CUX1: variants seen among roughly 807,000 people sequenced by gnomAD.
CUX1 encodes the protein cut like homeobox 1.
Under a neutral mutation model 158.8 loss-of-function variants are expected in CUX1, and 31 were observed. That is an observed-to-expected ratio of 0.20 (90% CI 0.15 to 0.26). The LOEUF is 0.26. Ranked by LOEUF, CUX1 falls within the 10% of genes least tolerant of loss-of-function variation. The pLI, the probability that CUX1 is intolerant of heterozygous loss-of-function variation, is 1.00. For missense variants in CUX1, 1,589 were observed against 2,014.6 expected, an observed-to-expected ratio of 0.79 and a Z score of 4.04; for synonymous variants, 879 against 862.1, an observed-to-expected ratio of 1.02 and a Z score of -0.34.
At chr7:102,211,518 C>T (rs146038958) in intron 20 of CUX1, among the ~76,000 whole-genome samples, 84 of 152,074 alleles carry the variant, frequency 5.5e-4, no homozygotes, top group African/African-American at 1.9e-3. Context: ...CAGTGGCTCA[C>T]ACCTGTAATC....
intron 5 of CUX1, among the ~76,000 whole-genome samples, chr7:102,097,782 G>T (rs1259664016): frequency 1.3e-5 from 2 of 152,222 alleles, no homozygotes; most frequent in Non-Finnish European, 2.9e-5. Context: ...ATCATTACGT[G>T]ATTGGGTCTG....
chr7:101,858,967 C>T lies in CUX1; in HGVS notation c.30+41298C>T, dbSNP rs549820779. On this transcript the variant is annotated intron_variant, in intron 1 of 23. Coordinates refer to ENST00000292535, the MANE Select transcript of CUX1 (RefSeq NM_181552.4). ...ATCACAAGAAAGTCTTCCCTTCATG[C>T]GTTGTGAAAACCAGCAGTATTTTAA... Among the ~76,000 whole-genome samples the T allele has an allele frequency of 9.2e-5, 14 of 152,258 alleles. 1 individual carries two copies. The South Asian group carries it at 1.5e-3, about 16-fold the overall frequency.
At chr7:102,268,883 G>A (rs114693297) in intron 14 of CUX1, among the ~76,000 whole-genome samples, 4 of 151,052 alleles carry the variant, frequency 2.6e-5, no homozygotes, top group South Asian at 4.2e-4. Context: ...CAAGGGACCC[G>A]CCCTGTCCCC....
In CUX1 at chr7:101,831,262, G is replaced by A. The variant is rs1220864108; in HGVS notation, c.30+13593G>A. Among the ~76,000 whole-genome samples, 3 of 152,020 alleles carry A rather than the reference G, an allele frequency of 2.0e-5. No individual in the cohort carries two copies. The East Asian group carries it at 5.8e-4, about 29-fold the overall frequency. ...AGCATAGGGATTGAGTGACCAGACA[G>A]TAGGGAATCCTTGCCCTTAAGGAAC... On this transcript the variant is annotated intron_variant, in intron 1 of 23. Transcript: ENST00000292535.
At chr7:102,082,302 G>A (rs961346812) in intron 4 of CUX1, among the ~76,000 whole-genome samples, 10 of 146,768 alleles carry the variant, frequency 6.8e-5, no homozygotes, top group African/African-American at 2.4e-4. Context: ...GAGGGCAGGC[G>A]GATCACCTGA....
At chr7:102,193,709 G>A in intron 12 of CUX1, 133 bp from the exon 13 acceptor site, 1 of 814,704 alleles carries the variant, frequency 1.2e-6, no homozygotes, top group African/African-American at 1.7e-5. Context: ...GGAGGCTGAG[G>A]TAGGAGAATC....
In CUX1 at chr7:101,881,638, C is replaced by T. The variant is rs80309857; in HGVS notation, c.31-34477C>T. 2.3e-3 allele frequency among the ~76,000 whole-genome samples: 347 copies of T among 152,288 alleles called. 2 individuals are homozygous for T. The highest frequency in any genetic ancestry group is 7.9e-3 in the African/African-American group (328 of 41,556). On this transcript the variant is annotated intron_variant, in intron 1 of 23. Transcript: ENST00000292535. Reference sequence around the variant, plus strand: ...TGGTATTTGGGAATTGATTTTCTGACGCCACCGATTTGTCAAGAACTTATC... The same window carrying T: ...TGGTATTTGGGAATTGATTTTCTGATGCCACCGATTTGTCAAGAACTTATC...
At chr7:102,061,386 CTAGGAGGGGCCAGGAGCCAGGGTCCA>C (rs1824859495) in intron 3 of CUX1, among the ~76,000 whole-genome samples, 1 of 152,122 alleles carries the variant, frequency 6.6e-6, no homozygotes, top group Admixed American at 6.5e-5. Flanking sequence ...TATCATATCC[CTAGGAGGGGCCAGGAGCCAGGGTCCA>C]AGTAACTTGG....
At chr7:102,183,283 G>A (rs1241525807) in intron 11 of CUX1, among the ~76,000 whole-genome samples, 1 of 151,976 alleles carries the variant, frequency 6.6e-6, no homozygotes, top group Non-Finnish European at 1.5e-5. Context: ...CAGAGTGCTG[G>A]GATTACAGGC....
At chr7:102,139,627 C>A (rs1356454446) in intron 8 of CUX1, among the ~76,000 whole-genome samples, 1 of 152,256 alleles carries the variant, frequency 6.6e-6, no homozygotes, top group East Asian at 1.9e-4. Context: ...GAACTCATCT[C>A]TACTAAAAAT....
intron 19 of CUX1, among the ~76,000 whole-genome samples, chr7:102,280,509 A>C (rs1216910386): frequency 4.7e-5 from 7 of 148,094 alleles, no homozygotes; most frequent in African/African-American, 1.0e-4. Context: ...CCACCCCACA[A>C]CTCCCCTCCC....
intron 9 of CUX1, among the ~76,000 whole-genome samples, chr7:102,162,573 G>A (rs1554507510): frequency 6.6e-6 from 1 of 151,530 alleles, no homozygotes; most frequent in East Asian, 1.9e-4. Flanking sequence ...CACCACGCAT[G>A]GCTAATTTTC....
intron 7 of CUX1, among the ~76,000 whole-genome samples, chr7:102,113,146 G>A (rs563737404): frequency 6.6e-6 from 1 of 152,252 alleles, no homozygotes; most frequent in East Asian, 1.9e-4. Flanking sequence ...CTACACATAT[G>A]AAAAAATGCA....
At chr7:102,172,690 A>C (rs1249667761) in intron 10 of CUX1, among the ~76,000 whole-genome samples, 2 of 152,234 alleles carry the variant, frequency 1.3e-5, no homozygotes, top group Non-Finnish European at 2.9e-5. Context: ...ATTATTCCCC[A>C]GGAATGAATC....
chr7:101,816,875 G>GGCCGC (rs1791874888), upstream of CUX1: 1 of 976,276 alleles, frequency 1.0e-6, no homozygotes, highest in East Asian at 1.2e-4. Flanking sequence ...CACCGGCCCG[G>GGCCGC]GCCGCGCCGC....
In CUX1 at chr7:102,234,165, G is replaced by T. The variant is rs201799537; in HGVS notation, c.3547G>T (p.Val1183Phe). Residue 1183 changes from valine (V) to phenylalanine (F), a missense_variant, in exon 22 of 24, where the codon GTC becomes TTC. Physicochemically the swap from Val to Phe is conservative, Grantham distance 50. Transcript: ENST00000292535. ...CAGTCTGAAAGGACGAGAGCCCTTCGTCCGGATGCAGCTGTGGCTGAACGA... is the reference window on the plus strand; with the variant it reads ...CAGTCTGAAAGGACGAGAGCCCTTCTTCCGGATGCAGCTGTGGCTGAACGA... ...KLSLKGREPF[V>F]RMQLWLNDPN... The T allele has an allele frequency of 2.6e-5, 42 of 1,600,362 alleles. No individual in the cohort carries two copies. The highest frequency in any genetic ancestry group is 6.9e-5 in the Admixed American group (4 of 57,784).
In CUX1 at chr7:102,257,734, T is replaced by C; in HGVS notation, c.*8692T>C. 2.0e-6 allele frequency: 2 copies of C among 985,476 alleles called. No individual in the cohort carries two copies. The highest frequency in any genetic ancestry group is 1.2e-6 in the Non-Finnish European group (1 of 829,958). The allele number at this position is 985,476 out of a possible 1,614,324, so 61.0% of individuals were successfully genotyped here. A position where few individuals can be genotyped will look rare whatever the true frequency, so the allele number is the denominator to read the frequency against. On this transcript the variant is annotated 3_prime_UTR_variant, in exon 24 of 24. Transcript: ENST00000292535. ...CCACCCCACCCCCACTCTAGCGTTTTGTCACGTCTTACATTTTAGCAGTAT... is the reference window on the plus strand; with the variant it reads ...CCACCCCACCCCCACTCTAGCGTTTCGTCACGTCTTACATTTTAGCAGTAT...
chr7:102,121,780 A>G (rs1250733379), intron 8 of CUX1, among the ~76,000 whole-genome samples: 1 of 152,108 alleles, frequency 6.6e-6, no homozygotes, highest in African/African-American at 2.4e-5. Context: ...AGGAACACGC[A>G]GATTCAGGCC....
At chr7:102,107,061 C>T (rs1017103327) in intron 6 of CUX1, among the ~76,000 whole-genome samples, 1 of 151,872 alleles carries the variant, frequency 6.6e-6, no homozygotes, top group African/African-American at 2.4e-5. Flanking sequence ...TATGCCATCT[C>T]TATGGCATGA....
Sources: gnomAD v4.1 joint callset for allele counts (sites outside exome capture counted in the v4.1 genomes callset) on GRCh38, gnomAD v4.1.1 for gene constraint, MANE v1.5 for transcripts, NCBI Gene and HGNC (gene_info 2026-07-23, HGNC 2026-07-21) for gene names.